Variants in TULP4 observed in about 807,000 individuals in gnomAD.
TULP4 encodes the protein TUB like protein 4.
TULP4 carries 16 observed loss-of-function variants against 129.0 expected under a neutral mutation model. That is an observed-to-expected ratio of 0.12 (90% CI 0.08 to 0.19). The LOEUF (loss-of-function observed/expected upper bound fraction) is 0.19. TULP4 is among the 10% of genes least tolerant of loss of function. The probability of loss-of-function intolerance (pLI) is 1.00; values close to 1 mark genes in which losing one functional copy is unlikely to be tolerated. For synonymous variants in TULP4, 998 were observed against 854.0 expected, an observed-to-expected ratio of 1.17 and a Z score of -2.94; for missense variants, 1,842 against 2,059.1, an observed-to-expected ratio of 0.89 and a Z score of 2.04.
upstream of TULP4, among the ~76,000 whole-genome samples, chr6:158,309,703 A>G (rs1026627561): frequency 2.6e-5 from 4 of 152,068 alleles, no homozygotes; most frequent in African/African-American, 9.7e-5. Flanking sequence ...AGCCTGGCCA[A>G]CACAGCGAAA....
chr6:158,402,786 A>T lies in TULP4; in HGVS notation c.253-10279A>T, dbSNP rs1465049815. On this transcript the variant is annotated intron_variant, in intron 1 of 13. Coordinates refer to ENST00000367097, the MANE Select transcript of TULP4 (RefSeq NM_020245.5). ...TTTGAAATGGCAGTTGATTTTGTAA[A>T]AGGTCTTCAGGTTATTTTTGTAGCT... Among the ~76,000 whole-genome samples the T allele has an allele frequency of 3.3e-5, 5 of 152,224 alleles. No homozygotes were observed. In the East Asian group the frequency reaches 5.8e-4, roughly 18 times the overall value.
intron 1 of TULP4, among the ~76,000 whole-genome samples, chr6:158,330,661 T>C (rs1033070742): frequency 6.6e-6 from 1 of 152,334 alleles, no homozygotes; most frequent in African/African-American, 2.4e-5. Context: ...GTCAATTCAA[T>C]ACTTAAATTA....
chr6:158,482,356 A>G (rs562143148), intron 8 of TULP4, among the ~76,000 whole-genome samples: 1 of 152,328 alleles, frequency 6.6e-6, no homozygotes, highest in South Asian at 2.1e-4. Context: ...TTTGTTCAGC[A>G]TCGGCAGTGA....
chr6:158,285,981 T>G (rs1420994205), intron 1 of TULP4, among the ~76,000 whole-genome samples: 2 of 152,240 alleles, frequency 1.3e-5, no homozygotes, highest in African/African-American at 4.8e-5. Flanking sequence ...CAGGGGATTA[T>G]TTTTGCAAGT....
intron 1 of TULP4, among the ~76,000 whole-genome samples, chr6:158,360,770 C>T (rs578116927): frequency 2.6e-5 from 4 of 152,158 alleles, no homozygotes; most frequent in South Asian, 2.1e-4. Flanking sequence ...AAGTGAAACC[C>T]TACCCAATAA....
At chr6:158,469,387 C>A (rs528896412) in intron 6 of TULP4, among the ~76,000 whole-genome samples, 2 of 152,160 alleles carry the variant, frequency 1.3e-5, no homozygotes, top group South Asian at 2.1e-4. Flanking sequence ...GATTCTCCCA[C>A]CTCTGTCTCC....
chr6:158,272,088 C>CTGT (rs1778562145), intron 1 of TULP4, among the ~76,000 whole-genome samples: 1 of 152,156 alleles, frequency 6.6e-6, no homozygotes, highest in African/African-American at 2.4e-5. Flanking sequence ...TGAGCATACA[C>CTGT]TGTCACCAAG....
chr6:158,280,213 A>G (rs77231657), upstream of TULP4, among the ~76,000 whole-genome samples: 1 of 152,232 alleles, frequency 6.6e-6, no homozygotes, highest in Non-Finnish European at 1.5e-5. Context: ...TGTAATATGA[A>G]TACACTTAAA....
At chr6:158,435,636 A>G (rs1778733527) in intron 3 of TULP4, among the ~76,000 whole-genome samples, 1 of 151,686 alleles carries the variant, frequency 6.6e-6, no homozygotes, top group Non-Finnish European at 1.5e-5. Context: ...ATCAGCTCCC[A>G]TCTGTTTGCT....
chr6:158,380,512 A>G (rs540200808), intron 1 of TULP4, among the ~76,000 whole-genome samples: 42 of 152,158 alleles, frequency 2.8e-4, no homozygotes, highest in Non-Finnish European at 4.0e-4. Flanking sequence ...ATTTGCATAG[A>G]AAGTTGGGGA....
chr6:158,489,260 G>A (rs1780140650), intron 8 of TULP4, among the ~76,000 whole-genome samples: 1 of 152,220 alleles, frequency 6.6e-6, no homozygotes, highest in Admixed American at 6.5e-5. Flanking sequence ...CTGCCTGAAA[G>A]TCCGCATGAA....
intron 9 of TULP4, among the ~76,000 whole-genome samples, chr6:158,492,134 A>G (rs916250796): frequency 6.6e-6 from 1 of 152,238 alleles, no homozygotes; most frequent in Non-Finnish European, 1.5e-5. Context: ...CTGGGCTTAC[A>G]GGTGTGAGCC....
intron 6 of TULP4, among the ~76,000 whole-genome samples, chr6:158,463,307 G>A (rs1779483001): frequency 2.0e-5 from 3 of 152,092 alleles, no homozygotes. Flanking sequence ...ACACAGATGG[G>A]CCCCCTTTCT....
intron 1 of TULP4, among the ~76,000 whole-genome samples, chr6:158,346,294 A>C (rs1780310727): frequency 6.6e-6 from 1 of 152,218 alleles, no homozygotes; most frequent in African/African-American, 2.4e-5. Flanking sequence ...AGAAATTATG[A>C]AAGTATTATT....
At chr6:158,240,812 C>T (rs1777880442) in intron 1 of TULP4, among the ~76,000 whole-genome samples, 2 of 149,354 alleles carry the variant, frequency 1.3e-5, no homozygotes, top group African/African-American at 4.9e-5. Flanking sequence ...CCCCCACCTC[C>T]CTCCCGGATG....
chr6:158,365,309 T>G (rs559019501), intron 1 of TULP4, among the ~76,000 whole-genome samples: 7 of 152,148 alleles, frequency 4.6e-5, no homozygotes, highest in African/African-American at 1.4e-4. Flanking sequence ...GTGCTTGGTG[T>G]TGTTTCTCCC....
At chr6:158,345,458 C>G (rs1464460427) in intron 1 of TULP4, among the ~76,000 whole-genome samples, 1 of 152,186 alleles carries the variant, frequency 6.6e-6, no homozygotes, top group Admixed American at 6.5e-5. Flanking sequence ...GTCAGCCAGT[C>G]TGAGAAATAA....
chr6:158,455,055 A>ATT lies in TULP4; in HGVS notation c.859+2816_859+2817dup, dbSNP rs781328845. 6.0e-4 allele frequency among the ~76,000 whole-genome samples: 20 copies of ATT among 33,194 alleles called. 3 individuals are homozygous for ATT. The highest frequency in any genetic ancestry group is 1.0e-3 in the Admixed American group (3 of 2,882). The allele number at this position is 33,194 out of a possible 152,430, so 21.8% of individuals were successfully genotyped here. A position where few individuals can be genotyped will look rare whatever the true frequency, so the allele number is the denominator to read the frequency against. ...TTCTAAAAATACAGGCAAATTTAAC[A>ATT]TTTTTTTTTTTTTTTTTTTTTTTTT... On this transcript the variant is annotated intron_variant, in intron 5 of 13. Coordinates refer to ENST00000367097, the MANE Select transcript of TULP4 (RefSeq NM_020245.5).
intron 1 of TULP4, among the ~76,000 whole-genome samples, chr6:158,265,427 A>G (rs759424940): frequency 3.9e-5 from 6 of 152,044 alleles, no homozygotes; most frequent in Non-Finnish European, 8.8e-5. Flanking sequence ...CACCCCTGTA[A>G]TCCCAGCACG....
Sources: gnomAD v4.1 joint callset for allele counts (sites outside exome capture counted in the v4.1 genomes callset) on GRCh38, gnomAD v4.1.1 for gene constraint, MANE v1.5 for transcripts, NCBI Gene and HGNC (gene_info 2026-07-23, HGNC 2026-07-21) for gene names.